The following SEMA3E variants were observed in gnomAD, a reference collection of about 807,000 sequenced individuals.
The protein encoded by SEMA3E is semaphorin-3E.
Under a neutral mutation model 93.6 loss-of-function variants are expected in SEMA3E, and 49 were observed. That is an observed-to-expected ratio of 0.52 (90% CI 0.42 to 0.66). The LOEUF (loss-of-function observed/expected upper bound fraction) is 0.66, where lower values mean the gene tolerates loss of function less well. Among genes scored for constraint, SEMA3E ranks in the 30% least tolerant of loss-of-function variants. The pLI is 0.00. For synonymous variants in SEMA3E, 363 were observed against 330.7 expected (o/e 1.10, Z -1.06); for missense variants, 906 against 964.8 (o/e 0.94, Z 0.81).
At chr7:83,582,973 C>T (rs1792543611) in intron 1 of SEMA3E, among the ~76,000 whole-genome samples, 2 of 152,094 alleles carry the variant, frequency 1.3e-5, no homozygotes, top group Admixed American at 6.6e-5. Flanking sequence ...CTTTTTGTGG[C>T]TGTTTCCTTG....
At chr7:83,629,415 T>A (rs1302189123) in intron 1 of SEMA3E, among the ~76,000 whole-genome samples, 1 of 152,178 alleles carries the variant, frequency 6.6e-6, no homozygotes, top group Non-Finnish European at 1.5e-5. Flanking sequence ...CCAGGTCCTC[T>A]GTCCCAGGGA....
chr7:83,379,715 C>T (rs1787740700), intron 16 of SEMA3E, among the ~76,000 whole-genome samples: 1 of 151,886 alleles, frequency 6.6e-6, no homozygotes, highest in Non-Finnish European at 1.5e-5. Context: ...CAAATGCAAA[C>T]TGACTTCACA....
chr7:83,490,612 A>G (rs1396651165), intron 1 of SEMA3E, among the ~76,000 whole-genome samples: 3 of 152,020 alleles, frequency 2.0e-5, no homozygotes, highest in Non-Finnish European at 2.9e-5. Context: ...CATTAAACCC[A>G]CCAGAGTGTG....
At chr7:83,462,715 C>T (rs1183082146) in intron 4 of SEMA3E, among the ~76,000 whole-genome samples, 1 of 147,532 alleles carries the variant, frequency 6.8e-6, no homozygotes, top group African/African-American at 2.6e-5. Context: ...TACAGCATGT[C>T]CTTTTAAAGC....
At chr7:83,470,764 G>C (rs550918999) in intron 2 of SEMA3E, among the ~76,000 whole-genome samples, 4 of 151,796 alleles carry the variant, frequency 2.6e-5, no homozygotes, top group Admixed American at 1.3e-4. Context: ...TTTTCACTAA[G>C]AACTGGGTTT....
chr7:83,481,743 A>T (rs184473862), intron 2 of SEMA3E, among the ~76,000 whole-genome samples: 1 of 152,352 alleles, frequency 6.6e-6, no homozygotes, highest in Admixed American at 6.5e-5. Context: ...TAAATAATTT[A>T]GAAAGCAAAG....
At chr7:83,432,008 C>G (rs1788894365) in intron 4 of SEMA3E, among the ~76,000 whole-genome samples, 2 of 149,860 alleles carry the variant, frequency 1.3e-5, no homozygotes, top group South Asian at 4.2e-4. Flanking sequence ...TTAAGAAGCT[C>G]AAAGCACTTG....
intron 4 of SEMA3E, among the ~76,000 whole-genome samples, chr7:83,433,148 T>G (rs1398597740): frequency 1.3e-5 from 2 of 152,148 alleles, no homozygotes; most frequent in Non-Finnish European, 2.9e-5. Flanking sequence ...AGTACCAAAC[T>G]CACACATTTG....
chr7:83,402,804 C>A lies in SEMA3E; in HGVS notation c.999-28G>T, dbSNP rs200204619. The A allele has an allele frequency of 3.1e-3, 4,973 of 1,598,972 alleles. 14 individuals carry two copies. The highest frequency in any genetic ancestry group is 3.9e-3 in the Non-Finnish European group (4,543 of 1,171,328). On this transcript the variant is annotated intron_variant, in intron 9 of 16. Transcript: ENST00000643230. The stretch of plus-strand genomic sequence containing the variant: ...GAAAAATACAAAAAAGATAATTATT[C>A]TTCTGGAACTAACTGCAGGTCATCT...
rs566613521 is a variant in SEMA3E, at chr7:83,485,442, C to G, written c.276+4672G>C. Among the ~76,000 whole-genome samples, 15 of 152,184 alleles carry G rather than the reference C, an allele frequency of 9.9e-5. 1 individual carries two copies. In the South Asian group the frequency reaches 3.1e-3, roughly 32 times the overall value. On this transcript the variant is annotated intron_variant, in intron 2 of 16. Transcript: ENST00000643230. ...ACATGCATAGCCAGGATTTAAACAC[C>G]AAAATCCCAGTTGAGTGCTCCCAAT...
At chr7:83,626,795 G>A (rs537819975) in intron 1 of SEMA3E, among the ~76,000 whole-genome samples, 9 of 152,246 alleles carry the variant, frequency 5.9e-5, no homozygotes, top group African/African-American at 1.9e-4. Context: ...TAATTGTGAT[G>A]TTAGGGTGTC....
At chr7:83,379,161 G>A (rs1787721630) in intron 16 of SEMA3E, among the ~76,000 whole-genome samples, 1 of 151,628 alleles carries the variant, frequency 6.6e-6, no homozygotes, top group Non-Finnish European at 1.5e-5. Context: ...GTCAAATACT[G>A]CACTCTCACT....
chr7:83,575,362 T>A (rs1792377993), intron 1 of SEMA3E, among the ~76,000 whole-genome samples: 1 of 151,732 alleles, frequency 6.6e-6, no homozygotes, highest in Non-Finnish European at 1.5e-5. Context: ...TATGAGATTC[T>A]CAGTACAAGG....
chr7:83,425,346 T>C (rs896270361), intron 4 of SEMA3E, among the ~76,000 whole-genome samples: 20 of 152,172 alleles, frequency 1.3e-4, no homozygotes, highest in Non-Finnish European at 1.5e-5. Flanking sequence ...TTTTCTCTCC[T>C]ATTTTTAGTG....
At chr7:83,412,445 G>A (rs995691432) in intron 5 of SEMA3E, among the ~76,000 whole-genome samples, 1 of 152,082 alleles carries the variant, frequency 6.6e-6, no homozygotes, top group African/African-American at 2.4e-5. Context: ...ATGAAAGGCT[G>A]TGAAGTGTCA....
At chr7:83,597,718 T>C (rs1031689787) in intron 1 of SEMA3E, among the ~76,000 whole-genome samples, 3 of 152,186 alleles carry the variant, frequency 2.0e-5, no homozygotes, top group Admixed American at 6.6e-5. Flanking sequence ...GTTATTGCTA[T>C]GGTAAACTAA....
intron 1 of SEMA3E, among the ~76,000 whole-genome samples, chr7:83,498,314 A>T: frequency 6.6e-6 from 1 of 152,194 alleles, no homozygotes; most frequent in East Asian, 1.9e-4. Context: ...CATCAGCTGT[A>T]TATTGAACAT....
At chr7:83,396,566 G>C in intron 12 of SEMA3E, 72 bp downstream of exon 12, 1 of 898,700 alleles carries the variant, frequency 1.1e-6, no homozygotes. Flanking sequence ...AATGGACATA[G>C]TATCTTTCCT....
chr7:83,406,860 T>C (rs759442566), intron 7 of SEMA3E, among the ~76,000 whole-genome samples: 1 of 152,166 alleles, frequency 6.6e-6, no homozygotes, highest in Non-Finnish European at 1.5e-5. Context: ...AGTCTAATCA[T>C]AGACGATTTC....
Sources: allele counts gnomAD v4.1 joint callset (sites outside exome capture counted in the v4.1 genomes callset), GRCh38; gene constraint gnomAD v4.1.1; transcripts MANE v1.5; gene names NCBI Gene and HGNC (gene_info 2026-07-23, HGNC 2026-07-21).